SLC30A7: variants seen among roughly 807,000 people sequenced by gnomAD.
The protein encoded by SLC30A7 is solute carrier family 30 member 7.
Under a neutral mutation model 46.0 loss-of-function variants are expected in SLC30A7, and 35 were observed. The observed-to-expected ratio is 0.76, with a 90% CI of 0.58 to 1.01. SLC30A7 has a LOEUF of 1.01. Among genes scored for constraint, SLC30A7 ranks in the 50% least tolerant of loss-of-function variants. The probability of loss-of-function intolerance (pLI) is 0.00; values close to 1 mark genes in which losing one functional copy is unlikely to be tolerated. For missense variants in SLC30A7, 464 were observed against 451.1 expected (o/e 1.03, Z -0.26); for synonymous variants, 147 against 157.8 (o/e 0.93, Z 0.51).
chr1:100,943,485 A>G (rs1340225496), intron 8 of SLC30A7, among the ~76,000 whole-genome samples: 2 of 152,210 alleles, frequency 1.3e-5, no homozygotes, highest in East Asian at 1.9e-4. Context: ...TGGAGGCTTC[A>G]TTACATAGGC....
At chr1:100,915,366 A>G (rs1451271365) in intron 6 of SLC30A7, among the ~76,000 whole-genome samples, 5 of 152,200 alleles carry the variant, frequency 3.3e-5, no homozygotes, top group South Asian at 4.1e-4. Context: ...ACTATGCCAT[A>G]CAAATCCCTA....
intron 8 of SLC30A7, among the ~76,000 whole-genome samples, chr1:100,950,931 C>T (rs143169287): frequency 2.0e-5 from 3 of 152,246 alleles, no homozygotes; most frequent in Non-Finnish European, 4.4e-5. Context: ...GAGCCAGCAT[C>T]GGGTTCAGTG....
intron 8 of SLC30A7, among the ~76,000 whole-genome samples, chr1:100,957,084 G>A (rs1655263509): frequency 6.6e-6 from 1 of 152,152 alleles, no homozygotes; most frequent in Non-Finnish European, 1.5e-5. Flanking sequence ...GATGTTTGTT[G>A]ACTTGAACTT....
intron 8 of SLC30A7, among the ~76,000 whole-genome samples, chr1:100,929,481 T>TA (rs1286960420): frequency 6.6e-6 from 1 of 152,122 alleles, no homozygotes; most frequent in East Asian, 1.9e-4. Flanking sequence ...TGAAAACTCT[T>TA]AAAAAATCAA....
At position 100,921,735 on chromosome 1, in the gene SLC30A7, C is replaced by G. The variant is rs1377190091; in HGVS notation, c.736C>G (p.Leu246Val). ...GVFLHILADT[L>V]GSIGVIASAI... is the part of the protein sequence containing the mutation. ...ATTTTTACATATCCTAGCAGATACA[C>G]TTGGAAGTATTGGTGTAATTGCTTC... Residue 246 changes from leucine to valine, a missense_variant, in exon 8 of 11, where the codon CTT becomes GTT. Leu to Val is a conservative substitution (Grantham distance 32). Coordinates refer to ENST00000357650, the MANE Select transcript of SLC30A7 (RefSeq NM_133496.5). 6.2e-7 allele frequency: 1 copy of G among 1,612,040 alleles called. No individual in the cohort carries two copies. Among genetic ancestry groups the G allele is most frequent in the Admixed American group, 1.7e-5 (1 of 60,004 alleles).
At chr1:100,915,767 T>C (rs1370737127) in intron 6 of SLC30A7, among the ~76,000 whole-genome samples, 1 of 152,228 alleles carries the variant, frequency 6.6e-6, no homozygotes, top group East Asian at 1.9e-4. Flanking sequence ...CTTTGAGCTC[T>C]TGATTTCAAT....
intron 8 of SLC30A7, among the ~76,000 whole-genome samples, chr1:100,948,390 A>C (rs1404903177): frequency 1.3e-5 from 2 of 152,174 alleles, no homozygotes; most frequent in Non-Finnish European, 2.9e-5. Context: ...TCTGGCTTTT[A>C]GGGTTTCTGC....
In SLC30A7 at chr1:100,977,625, C is replaced by A. The variant is rs1376139279; in HGVS notation, c.*2768C>A. ...AAACTCGTATCTGAGTGTAACTTTG[C>A]CAATATTTTAAAAGCCAAAATATTC... On this transcript the variant is annotated 3_prime_UTR_variant, in exon 11 of 11. Transcript: ENST00000357650. 1 of 152,138 alleles carries A rather than the reference C, an allele frequency of 6.6e-6. No homozygotes were observed. Among genetic ancestry groups the A allele is most frequent in the African/African-American group, 2.4e-5 (1 of 41,428 alleles). 9.4% of individuals were successfully genotyped at this position (152,138 alleles called of 1,614,324 possible). A position where few individuals can be genotyped will look rare whatever the true frequency, so the allele number is the denominator to read the frequency against.
At chr1:100,986,275 G>A, downstream of SLC30A7, among the ~76,000 whole-genome samples, 1 of 152,110 alleles carries the variant, frequency 6.6e-6, no homozygotes, top group Non-Finnish European at 1.5e-5. Flanking sequence ...TGGGCGTGGT[G>A]GTGCATGCCT....
chr1:100,947,054 A>G (rs902007631), intron 8 of SLC30A7, among the ~76,000 whole-genome samples: 1 of 151,762 alleles, frequency 6.6e-6, no homozygotes, highest in African/African-American at 2.4e-5. Context: ...TTTCTTCTAG[A>G]TTTTCTAGTT....
rs748801406 is a variant in SLC30A7 at position 100,896,312 on chromosome 1, A to G, written c.50A>G (p.Asn17Ser). 27 of 1,614,098 alleles carry G rather than the reference A, an allele frequency of 1.7e-5. 1 individual carries two copies. The highest frequency in any genetic ancestry group is 3.3e-5 in the South Asian group (3 of 91,084). Residue 17 changes from asparagine to serine, a missense_variant, in exon 1 of 11, where the codon AAT (asparagine) becomes AGT (serine). Transcript: ENST00000357650. ...GATGAATACAAACCACCCAAGTTCA[A>G]TTTGTTCGGCAAGATCTCGGGCTGG... ...KDDEYKPPKF[N>S]LFGKISGWFR...
At chr1:100,916,704 C>CTTTTTTTTTT (rs33980397) in intron 6 of SLC30A7, among the ~76,000 whole-genome samples, 2 of 92,320 alleles carry the variant, frequency 2.2e-5, no homozygotes, top group Non-Finnish European at 4.1e-5. Flanking sequence ...TTCATTCATT[C>CTTTTTTTTTT]TTTTTTTTTT....
At chr1:100,924,402 A>AC (rs1366266650) in intron 8 of SLC30A7, among the ~76,000 whole-genome samples, 3 of 151,288 alleles carry the variant, frequency 2.0e-5, no homozygotes, top group Non-Finnish European at 2.9e-5. Context: ...TTCTTGCCAC[A>AC]CCCCCCACCC....
intron 8 of SLC30A7, among the ~76,000 whole-genome samples, chr1:100,945,136 G>A (rs1292993271): frequency 3.9e-5 from 6 of 152,040 alleles, no homozygotes; most frequent in African/African-American, 1.2e-4. Flanking sequence ...TGATGGGGTT[G>A]TTTTTTTCTT....
chr1:100,913,586 C>T (rs964916054), intron 5 of SLC30A7, 77 bp from the exon 6 acceptor site: 20 of 1,016,572 alleles, frequency 2.0e-5, no homozygotes, highest in South Asian at 8.8e-5. Flanking sequence ...TGATTCTTTG[C>T]GCTAGTGTCA....
intron 8 of SLC30A7, among the ~76,000 whole-genome samples, chr1:100,958,105 C>T (rs560840087): frequency 2.0e-4 from 30 of 152,164 alleles, no homozygotes; most frequent in African/African-American, 6.5e-4. Context: ...TTTTTTTTCT[C>T]TTTCTCCAAC....
At chr1:100,964,999 A>G (rs1655787381) in intron 9 of SLC30A7, among the ~76,000 whole-genome samples, 1 of 152,256 alleles carries the variant, frequency 6.6e-6, no homozygotes, top group Non-Finnish European at 1.5e-5. Context: ...CAAAACATAA[A>G]TATTTTTGAT....
chr1:100,988,152 C>T, the SLC30A7 span, among the ~76,000 whole-genome samples: 2 of 152,170 alleles, frequency 1.3e-5, no homozygotes, highest in South Asian at 4.1e-4. Context: ...GAAGCCTCCT[C>T]CATTTCTGAC....
chr1:100,949,404 G>A (rs376274664), intron 8 of SLC30A7, among the ~76,000 whole-genome samples: 18 of 152,244 alleles, frequency 1.2e-4, no homozygotes, highest in East Asian at 5.8e-4. Context: ...AGGGGCACCC[G>A]CCTGTGTGAG....
Sources: allele counts gnomAD v4.1 joint callset (sites outside exome capture counted in the v4.1 genomes callset), GRCh38; gene constraint gnomAD v4.1.1; transcripts MANE v1.5; gene names NCBI Gene and HGNC (gene_info 2026-07-23, HGNC 2026-07-21).